HEG1: variants seen among roughly 807,000 people sequenced by gnomAD.
The protein encoded by HEG1 is protein HEG homolog 1.
In HEG1, 56 loss-of-function variants were observed where a neutral mutation model predicts 125.6. The observed-to-expected ratio is 0.45, with a 90% CI of 0.36 to 0.56. The LOEUF (loss-of-function observed/expected upper bound fraction) is 0.56, where lower values mean the gene tolerates loss of function less well. Ranked by LOEUF, HEG1 falls within the 20% of genes least tolerant of loss-of-function variation. The pLI is 0.00. For missense variants in HEG1, 1,523 were observed against 1,670.0 expected (o/e 0.91, Z 1.53); for synonymous variants, 644 against 668.5 (o/e 0.96, Z 0.57).
chr3:125,049,103 T>G (rs1212419020), intron 1 of HEG1, among the ~76,000 whole-genome samples: 1 of 152,148 alleles, frequency 6.6e-6, no homozygotes, highest in African/African-American at 2.4e-5. Context: ...GTAGGCAGGC[T>G]TCTTCCTGCA....
chr3:124,981,853 C>T (rs1936660115), intron 14 of HEG1, among the ~76,000 whole-genome samples: 1 of 151,038 alleles, frequency 6.6e-6, no homozygotes, highest in Non-Finnish European at 1.5e-5. Flanking sequence ...TTTACATATG[C>T]ACACACACAC....
chr3:124,974,485 C>T (rs1449386726), intron 15 of HEG1, among the ~76,000 whole-genome samples: 6 of 152,102 alleles, frequency 3.9e-5, no homozygotes, highest in Admixed American at 2.6e-4. Flanking sequence ...TCCAACTCTC[C>T]GGGCAGTGCT....
In HEG1 at chr3:125,017,796, G is replaced by A. The variant is rs531097723; in HGVS notation, c.1588+1466C>T. On this transcript the variant is annotated intron_variant, in intron 5 of 16. Transcript: ENST00000311127. Reference sequence around the variant, plus strand: ...AGCACTTTGGGAGGCTGAAGCAGGCGGATCATGAGGTCAGGAGATCGGGAC... The same window carrying A: ...AGCACTTTGGGAGGCTGAAGCAGGCAGATCATGAGGTCAGGAGATCGGGAC... 4.5e-4 allele frequency among the ~76,000 whole-genome samples: 69 copies of A among 151,930 alleles called. 1 individual carries two copies. In the South Asian group the frequency reaches 0.01, roughly 23 times the overall value.
At chr3:124,971,450 CT>C (rs11438219) in intron 16 of HEG1, among the ~76,000 whole-genome samples, 1 of 149,820 alleles carries the variant, frequency 6.7e-6, no homozygotes, top group African/African-American at 2.5e-5. Flanking sequence ...CTTTCTTTTT[CT>C]TTTTTTACCT....
chr3:124,970,472 C>T lies in HEG1; in HGVS notation c.*180G>A. ...ACAACAAAGGTGCTGAATGAGCAGC[C>T]TGTGGTTCCACATCCACCTGTCTCC... is the stretch of plus-strand genomic sequence containing the variant. On this transcript the variant is annotated 3_prime_UTR_variant, in exon 17 of 17. Transcript: ENST00000311127. 1.7e-6 allele frequency: 1 copy of T among 592,028 alleles called. No homozygotes were observed. The highest frequency in any genetic ancestry group is 2.1e-5 in the South Asian group (1 of 48,732). The allele number at this position is 592,028 out of a possible 1,614,324, so 36.7% of individuals were successfully genotyped here. A position where few individuals can be genotyped will look rare whatever the true frequency, so the allele number is the denominator to read the frequency against.
chr3:125,018,929 C>T (rs1025424919), intron 5 of HEG1, among the ~76,000 whole-genome samples: 2 of 141,808 alleles, frequency 1.4e-5, no homozygotes, highest in African/African-American at 2.7e-5. Context: ...TGCAGTGGTG[C>T]GATCTCAGCT....
intron 14 of HEG1, among the ~76,000 whole-genome samples, chr3:124,987,083 T>C (rs1485041451): frequency 6.6e-6 from 1 of 152,188 alleles, no homozygotes; most frequent in Non-Finnish European, 1.5e-5. Flanking sequence ...CTCATGCCTG[T>C]AATCCTAACA....
intron 1 of HEG1, among the ~76,000 whole-genome samples, chr3:125,040,595 T>A (rs1259977434): frequency 6.6e-6 from 1 of 152,164 alleles, no homozygotes; most frequent in Admixed American, 6.5e-5. Flanking sequence ...AATGAAAATA[T>A]AACATTGTCT....
At position 125,055,762 on chromosome 3, in the gene HEG1, G is replaced by A. The variant is rs1332776357; in HGVS notation, c.129C>T (p.Ser43=). The A allele has an allele frequency of 5.0e-6, 5 of 1,004,652 alleles. No individual in the cohort carries two copies. The highest frequency in any genetic ancestry group is 1.7e-5 in the African/African-American group (1 of 57,168). 62.2% of individuals were successfully genotyped at this position (1,004,652 alleles called of 1,614,324 possible). ...PPPSPARRAL[S]LAPLAGAGLE... is the part of the protein sequence containing the mutation. ...GCCCCGCTCCCGCGAGGGGCGCCAG[G>A]CTCAGCGCGCGGCGAGCCGGGGAAG... is the stretch of plus-strand genomic sequence containing the variant. The change falls in exon 1 of 17, where the codon AGC becomes AGT. Residue 43 remains serine, a synonymous_variant. Transcript: ENST00000311127.
chr3:125,001,816 T>C (rs933673554), intron 11 of HEG1, 36 bp downstream of exon 11: 3 of 1,598,970 alleles, frequency 1.9e-6, no homozygotes, highest in Non-Finnish European at 2.6e-6. Context: ...TGCCTAACTA[T>C]ATGGGTAGGA....
rs767377263 is a variant in HEG1, at chr3:125,029,275, C to T, written c.530G>A (p.Ser177Asn). 6.2e-7 allele frequency: 1 copy of T among 1,613,812 alleles called. No homozygotes were observed. The highest frequency in any genetic ancestry group is 8.5e-7 in the Non-Finnish European group (1 of 1,179,816). ...AGGCAAAATGGTGAAGTTTGTTCTA[C>T]TTGAAGAGCCGCTCCTTCCTCTAGC... Reference protein sequence around the residue: ...ADARGRSGSSSRTNFTILPVG... With the variant: ...ADARGRSGSSNRTNFTILPVG... The change falls in exon 2 of 17, where the codon AGT (serine) becomes AAT (asparagine). Residue 177 changes from serine to asparagine, a missense_variant. By Grantham distance (46) the Ser-to-Asn change is conservative. Coordinates refer to ENST00000311127, the MANE Select transcript of HEG1 (RefSeq NM_020733.2).
chr3:124,996,849 T>C (rs886309091), intron 12 of HEG1, among the ~76,000 whole-genome samples: 6 of 152,206 alleles, frequency 3.9e-5, no homozygotes, highest in African/African-American at 1.2e-4. Flanking sequence ...TGATGGCCTT[T>C]ATATCGTTAG....
At chr3:125,024,864 C>T (rs1015110931) in intron 3 of HEG1, among the ~76,000 whole-genome samples, 2 of 152,208 alleles carry the variant, frequency 1.3e-5, no homozygotes, top group African/African-American at 2.4e-5. Flanking sequence ...TAAGGAGCCA[C>T]CTCCTCTCCA....
intron 14 of HEG1, among the ~76,000 whole-genome samples, chr3:124,981,657 A>T (rs1936656023): frequency 6.6e-6 from 1 of 152,168 alleles, no homozygotes; most frequent in Non-Finnish European, 1.5e-5. Context: ...GCACTGGTTT[A>T]GATTACACAG....
At chr3:125,015,008 C>T (rs1937224636) in intron 5 of HEG1, 1 of 1,241,542 alleles carries the variant, frequency 8.1e-7, no homozygotes, top group South Asian at 1.4e-5. Flanking sequence ...GGCTGTCTTC[C>T]AAGGCTAAAA....
chr3:124,969,492 C>T lies in HEG1; in HGVS notation c.*1160G>A, dbSNP rs1560011582. ...GTTATTTCTTCAGCCGAATAAACAGCTTTGAGTGGTTGAAAGTTTACATGG... is the reference window on the plus strand; with the variant it reads ...GTTATTTCTTCAGCCGAATAAACAGTTTTGAGTGGTTGAAAGTTTACATGG... On this transcript the variant is annotated 3_prime_UTR_variant, in exon 17 of 17. Transcript: ENST00000311127. 1 of 152,214 alleles carries T rather than the reference C, an allele frequency of 6.6e-6. No homozygotes were observed. The highest frequency in any genetic ancestry group is 6.5e-5 in the Admixed American group (1 of 15,270). 9.4% of individuals were successfully genotyped at this position (152,214 alleles called of 1,614,324 possible). A position where few individuals can be genotyped will look rare whatever the true frequency, so the allele number is the denominator to read the frequency against.
Position 125,013,651 on chromosome 3 carries a change from G to C in HEG1, c.1928C>G (p.Pro643Arg). ...LPSYTPTINM[P>R]NTSVVLDTDA... ...AGTGTCCAGAACAACCGAAGTGTTCGGCATATTAATGGTGGGTGTGTAGGA... is the reference window on the plus strand; with the variant it reads ...AGTGTCCAGAACAACCGAAGTGTTCCGCATATTAATGGTGGGTGTGTAGGA... Residue 643 changes from proline to arginine, a missense_variant, in exon 6 of 17, where the codon CCG becomes CGG. Coordinates refer to ENST00000311127, the MANE Select transcript of HEG1 (RefSeq NM_020733.2). 1 of 1,612,596 alleles carries C rather than the reference G, an allele frequency of 6.2e-7. No homozygotes were observed. The highest frequency in any genetic ancestry group is 8.5e-7 in the Non-Finnish European group (1 of 1,179,246).
At chr3:125,015,230 T>G (rs1159326181) in intron 5 of HEG1, among the ~76,000 whole-genome samples, 1 of 152,244 alleles carries the variant, frequency 6.6e-6, no homozygotes, top group African/African-American at 2.4e-5. Flanking sequence ...CCTGGATTTA[T>G]AGGAGGGTAT....
intron 6 of HEG1, 86 bp from the exon 7 acceptor site, chr3:125,010,641 A>G: frequency 1.2e-6 from 1 of 835,712 alleles, no homozygotes; most frequent in Non-Finnish European, 1.9e-6. Flanking sequence ...CTCCCAGCTA[A>G]TATTTGATTC....
Sources: gnomAD v4.1 joint callset for allele counts (sites outside exome capture counted in the v4.1 genomes callset) on GRCh38, gnomAD v4.1.1 for gene constraint, MANE v1.5 for transcripts, NCBI Gene and HGNC (gene_info 2026-07-23, HGNC 2026-07-21) for gene names.